The following MTM1 variants were observed in gnomAD, a reference collection of about 807,000 sequenced individuals.
The protein encoded by MTM1 is myotubularin 1.
A neutral mutation model predicts 52.1 loss-of-function variants in MTM1; 9 were observed. The ratio of observed to expected loss-of-function variants is 0.17; its 90% CI spans 0.10 to 0.30. MTM1 has a LOEUF of 0.30. Among genes scored for constraint, MTM1 ranks in the 10% least tolerant of loss-of-function variants. The pLI is 1.00. For synonymous variants in MTM1, 136 were observed against 163.8 expected (o/e 0.83, Z 1.29); for missense variants, 277 against 470.7 (o/e 0.59, Z 3.81).
chrX:150,639,437 A>T (rs2039811818), intron 7 of MTM1, among the ~76,000 whole-genome samples: 1 of 112,486 alleles, frequency 8.9e-6, no homozygotes, highest in South Asian at 3.6e-4. Flanking sequence ...AATTATATTC[A>T]TTTCAGTTTG....
chrX:150,611,083 T>C (rs782091212), intron 4 of MTM1, among the ~76,000 whole-genome samples: 3 of 111,912 alleles, frequency 2.7e-5, no homozygotes, highest in Non-Finnish European at 5.6e-5. Flanking sequence ...TACTGAGTAG[T>C]ATTTTTCTCT....
intron 1 of MTM1, among the ~76,000 whole-genome samples, chrX:150,582,323 G>A (rs1297887465): frequency 3.6e-5 from 4 of 111,844 alleles, no homozygotes; most frequent in African/African-American, 9.8e-5. Flanking sequence ...AATTTCATAG[G>A]TATTCATTGA....
intron 1 of MTM1, among the ~76,000 whole-genome samples, chrX:150,587,366 T>C (rs1054632828): frequency 8.9e-6 from 1 of 112,274 alleles, no homozygotes; most frequent in Non-Finnish European, 1.9e-5. Context: ...ATTTACATAT[T>C]GCTGCTTCAG....
intron 11 of MTM1, among the ~76,000 whole-genome samples, chrX:150,658,764 A>G (rs1389500499): frequency 2.7e-5 from 3 of 112,004 alleles, no homozygotes; most frequent in Non-Finnish European, 5.6e-5. Flanking sequence ...AAACACTGCT[A>G]TGTATCCTTT....
chrX:150,592,805 TAC>T, intron 2 of MTM1, 128 bp downstream of exon 2: 2 of 486,801 alleles, frequency 4.1e-6, no homozygotes, highest in Non-Finnish European at 7.0e-6. Flanking sequence ...AATACATTTA[TAC>T]ATGTGGTTTC....
chrX:150,635,105 A>T (rs1557413678), intron 6 of MTM1, among the ~76,000 whole-genome samples: 5 of 111,851 alleles, frequency 4.5e-5, no homozygotes, highest in Non-Finnish European at 5.6e-5. Context: ...GTAGATAAGG[A>T]CCACACCCTA....
At chrX:150,600,248 T>C (rs2039046541) in intron 4 of MTM1, among the ~76,000 whole-genome samples, 1 of 111,756 alleles carries the variant, frequency 8.9e-6, no homozygotes, top group South Asian at 3.8e-4. Flanking sequence ...TGCTAGGTGA[T>C]GGGATCAGGG....
intron 6 of MTM1, among the ~76,000 whole-genome samples, chrX:150,625,842 A>G: frequency 8.9e-6 from 1 of 112,768 alleles, no homozygotes. Context: ...GTCAGTCAGA[A>G]AAGACACAGG....
intron 10 of MTM1, among the ~76,000 whole-genome samples, chrX:150,656,518 T>A (rs972982986): frequency 8.9e-6 from 1 of 112,168 alleles, no homozygotes. Context: ...TGTTTAAGCC[T>A]CATAGTTTCT....
intron 4 of MTM1, among the ~76,000 whole-genome samples, chrX:150,606,008 G>GA (rs1215287963): frequency 1.8e-3 from 157 of 89,224 alleles, no homozygotes; most frequent in Middle Eastern, 0.012. Flanking sequence ...TTTCCTTGAA[G>GA]AAAAAAAAAA....
chrX:150,611,994 G>A (rs1440029915), intron 4 of MTM1, among the ~76,000 whole-genome samples: 5 of 111,786 alleles, frequency 4.5e-5, no homozygotes, highest in Non-Finnish European at 9.4e-5. Context: ...TCAGAAGTTC[G>A]AGACCAGCCT....
At chrX:150,662,489 A>G (rs1569565533) in intron 13 of MTM1, among the ~76,000 whole-genome samples, 1 of 110,453 alleles carries the variant, frequency 9.1e-6, no homozygotes, top group East Asian at 2.9e-4. Flanking sequence ...ACTCCCAGCT[A>G]ATTTTTGTAT....
chrX:150,601,588 A>C (rs185747344), intron 4 of MTM1, among the ~76,000 whole-genome samples: 1 of 111,829 alleles, frequency 8.9e-6, no homozygotes, highest in East Asian at 2.8e-4. Context: ...TTTTGTAAGG[A>C]GTCAAGGGCA....
rs1232650581 is a variant in MTM1 at position 150,583,304 on chromosome X, TATA to T, written c.-10-9300_-10-9298del. Reference sequence around the variant, plus strand: ...ATAAATATATATAAATTATATATATTATATATAATTATAAATATATATAAATTA... The same window carrying T: ...ATAAATATATATAAATTATATATATTTATAATTATAAATATATATAAATTA... On this transcript the variant is annotated intron_variant, in intron 1 of 14. Transcript: ENST00000370396. Among the ~76,000 whole-genome samples, 207 of 50,332 alleles carry T rather than the reference TATA, an allele frequency of 4.1e-3. 3 individuals carry two copies. Among genetic ancestry groups the T allele is most frequent in the Non-Finnish European group, 4.1e-3 (121 of 29,874 alleles). 43.7% of individuals were successfully genotyped at this position (50,332 alleles called of 115,157 possible).
chrX:150,610,415 G>C (rs947632981), intron 4 of MTM1, among the ~76,000 whole-genome samples: 2 of 98,235 alleles, frequency 2.0e-5, no homozygotes, highest in Non-Finnish European at 4.4e-5. Context: ...GAGACAGAGA[G>C]AGAGAGAGAG....
At chrX:150,607,072 G>A (rs1465585305) in intron 4 of MTM1, among the ~76,000 whole-genome samples, 1 of 105,752 alleles carries the variant, frequency 9.5e-6, no homozygotes, top group African/African-American at 3.5e-5. Context: ...TCCACCTCTT[G>A]GGTTCCTTGG....
chrX:150,653,041 T>C (rs2040054957), intron 10 of MTM1, among the ~76,000 whole-genome samples: 2 of 111,365 alleles, frequency 1.8e-5, no homozygotes, highest in South Asian at 7.7e-4. Flanking sequence ...TAAGGTTTTA[T>C]AGTTTTGTCT....
chrX:150,612,214 A>C (rs2039294650), intron 4 of MTM1, among the ~76,000 whole-genome samples: 1 of 108,987 alleles, frequency 9.2e-6, no homozygotes, highest in South Asian at 3.9e-4. Context: ...AAGATTGGCG[A>C]TTTTCATTCC....
chrX:150,615,613 G>A (rs2039371137), intron 5 of MTM1, among the ~76,000 whole-genome samples: 1 of 111,687 alleles, frequency 9.0e-6, no homozygotes, highest in Non-Finnish European at 1.9e-5. Flanking sequence ...CTTGCCTTGT[G>A]TTGCCTAGGG....
Sources: allele counts gnomAD v4.1 joint callset (sites outside exome capture counted in the v4.1 genomes callset), GRCh38; gene constraint gnomAD v4.1.1; transcripts MANE v1.5; gene names NCBI Gene and HGNC (gene_info 2026-07-23, HGNC 2026-07-21).